GH2: variants seen among roughly 807,000 people sequenced by gnomAD.
GH2 encodes the protein growth hormone variant.
Under a neutral mutation model 24.1 loss-of-function variants are expected in GH2, and 17 were observed. That is an observed-to-expected ratio of 0.71 (90% CI 0.48 to 1.06). GH2 has a LOEUF of 1.06. GH2 is among the 50% of genes least tolerant of loss of function. The pLI is 0.00. For synonymous variants in GH2, 126 were observed against 118.7 expected (o/e 1.06, Z -0.40); for missense variants, 305 against 273.1 (o/e 1.12, Z -0.82).
chr17:63,881,459 C>T lies in GH2; in HGVS notation c.71G>A (p.Gly24Asp). 1 of 1,613,978 alleles carries T rather than the reference C, an allele frequency of 6.2e-7. No individual in the cohort carries two copies. Among genetic ancestry groups the T allele is most frequent in the Admixed American group, 1.7e-5 (1 of 60,008 alleles). ...GLLCLSWLQE[G>D]SAFPTIPLSR... ...TAAGGGAATGGTTGGGAAGGCACTG[C>T]CCTCTTGAAGCCAGGACAGGCAGAG... The change falls in exon 2 of 5, where the codon GGC (glycine) becomes GAC (aspartate). Residue 24 changes from glycine to aspartate, a missense_variant. Physicochemically the swap from Gly to Asp is moderately conservative, Grantham distance 94. Transcript: ENST00000423893.
chr17:63,881,745 C>G (rs778563212), intron 1 of GH2, 47 bp downstream of exon 1: 19 of 1,612,304 alleles, frequency 1.2e-5, no homozygotes, highest in Non-Finnish European at 4.2e-6. Flanking sequence ...GACGCCGCCT[C>G]TCCCCTCAGG....
rs150165012 is a variant in GH2 at position 63,880,364 on chromosome 17, C to T, written c.611G>A (p.Arg204His). The T allele has an allele frequency of 3.7e-6, 6 of 1,613,856 alleles. No individual in the cohort carries two copies. The highest frequency in any genetic ancestry group is 2.2e-5 in the South Asian group (2 of 91,058). ...KDMDKVETFL[R>H]IVQCRSVEGS... Reference sequence around the variant, plus strand: ...CTCCACAGAGCGGCACTGCACGATGCGCAGGAATGTCTCGACCTTGTCCAT... The same window carrying T: ...CTCCACAGAGCGGCACTGCACGATGTGCAGGAATGTCTCGACCTTGTCCAT... The change falls in exon 5 of 5, where the codon CGC (arginine) becomes CAC (histidine). Residue 204 changes from arginine (R) to histidine (H), a missense_variant. Physicochemically the swap from Arg to His is conservative, Grantham distance 29 (BLOSUM62 0). Coordinates refer to ENST00000423893, the MANE Select transcript of GH2 (RefSeq NM_002059.5).
intron 2 of GH2, 78 bp from the exon 3 acceptor site, chr17:63,881,226 G>A (rs531578697): frequency 1.1e-5 from 17 of 1,612,114 alleles, no homozygotes; most frequent in South Asian, 8.8e-5. Context: ...CTCACTCAGC[G>A]TATGCTCATC....
Position 63,881,139 on chromosome 17 carries a change from A to G in GH2, c.181T>C (p.Tyr61His). The G allele has an allele frequency of 6.2e-7, 1 of 1,614,060 alleles. No individual in the cohort carries two copies. Among genetic ancestry groups the G allele is most frequent in the African/African-American group, 1.3e-5 (1 of 75,042 alleles). ...YDTYQEFEEA[Y>H]ILKEQKYSFL... is the part of the protein sequence containing the mutation. Reference sequence around the variant, plus strand: ...GAATACTTCTGCTCCTTCAGGATATAGGCTTCTTCCTAGGAGAAGGACCGC... The same window carrying G: ...GAATACTTCTGCTCCTTCAGGATATGGGCTTCTTCCTAGGAGAAGGACCGC... Residue 61 changes from tyrosine to histidine, a missense_variant, in exon 3 of 5, where the codon TAT (tyrosine) becomes CAT (histidine). By Grantham distance (83) the Tyr-to-His change is moderately conservative. Transcript: ENST00000423893.
At chr17:63,881,598 T>TC in intron 1 of GH2, 79 bp from the exon 2 acceptor site, 9 of 1,578,574 alleles carry the variant, frequency 5.7e-6, no homozygotes, top group Non-Finnish European at 7.7e-6. Context: ...AGCTGGGTTT[T>TC]TTTTTTTCTC....
At position 63,880,365 on chromosome 17, in the gene GH2, G is replaced by C; in HGVS notation, c.610C>G (p.Arg204Gly). 6.2e-7 allele frequency: 1 copy of C among 1,613,852 alleles called. No homozygotes were observed. Among genetic ancestry groups the C allele is most frequent in the Non-Finnish European group, 8.5e-7 (1 of 1,179,822 alleles). Reference sequence around the variant, plus strand: ...TCCACAGAGCGGCACTGCACGATGCGCAGGAATGTCTCGACCTTGTCCATG... The same window carrying C: ...TCCACAGAGCGGCACTGCACGATGCCCAGGAATGTCTCGACCTTGTCCATG... ...KDMDKVETFL[R>G]IVQCRSVEGS... Residue 204 changes from arginine (R) to glycine (G), a missense_variant, in exon 5 of 5, where the codon CGC becomes GGC. Arg to Gly is a moderately radical substitution (Grantham distance 125). Transcript: ENST00000423893.
In GH2 at chr17:63,880,554, C is replaced by T. The variant is rs1464813901; in HGVS notation, c.457-36G>A. 13 of 1,613,726 alleles carry T rather than the reference C, an allele frequency of 8.1e-6. No homozygotes were observed. The highest frequency in any genetic ancestry group is 1.7e-5 in the Admixed American group (1 of 59,992). On this transcript the variant is annotated intron_variant, in intron 4 of 4. Transcript: ENST00000423893. ...AAGGAAGAGAAGGAGAGGCCAAGCG[C>T]TTGGGCACTGTTCCCTCCCTCTCTC...
rs1397123715 is a variant in GH2, at chr17:63,881,132, A to G, written c.188T>C (p.Leu63Pro). ...CAGGAATGAATACTTCTGCTCCTTCAGGATATAGGCTTCTTCCTAGGAGAA... is the reference window on the plus strand; with the variant it reads ...CAGGAATGAATACTTCTGCTCCTTCGGGATATAGGCTTCTTCCTAGGAGAA... ...TYQEFEEAYI[L>P]KEQKYSFLQN... is the part of the protein sequence containing the mutation. Residue 63 changes from leucine (L) to proline (P), a missense_variant, in exon 3 of 5, where the codon CTG becomes CCG. Coordinates refer to ENST00000423893, the MANE Select transcript of GH2 (RefSeq NM_002059.5). The G allele has an allele frequency of 2.5e-5, 41 of 1,613,952 alleles. No homozygotes were observed. Among genetic ancestry groups the G allele is most frequent in the Non-Finnish European group, 2.8e-5 (33 of 1,179,942 alleles).
chr17:63,881,177 A>G (rs1354004103), intron 2 of GH2, 29 bp from the exon 3 acceptor site: 4 of 1,614,040 alleles, frequency 2.5e-6, no homozygotes, highest in East Asian at 2.2e-5. Flanking sequence ...ACCAAGGTCT[A>G]TGCTGGAGAC....
chr17:63,881,625 C>T, intron 1 of GH2, 106 bp from the exon 2 acceptor site: 3 of 1,603,860 alleles, frequency 1.9e-6, no homozygotes, highest in Admixed American at 1.7e-5. Context: ...TCTCTGCCTC[C>T]CTCCAGGGAC....
rs776337871 is a variant in GH2 at position 63,881,339 on chromosome 17, C to T, written c.171+20G>A. On this transcript the variant is annotated intron_variant, in intron 2 of 4. Coordinates refer to ENST00000423893, the MANE Select transcript of GH2 (RefSeq NM_002059.5). ...CCCTTCCTGCCACCTCTGAAGCGCA[C>T]CCATTACCCAAGAGCTTACAAACTC... 3 of 1,613,738 alleles carry T rather than the reference C, an allele frequency of 1.9e-6. No homozygotes were observed. The highest frequency in any genetic ancestry group is 1.3e-5 in the African/African-American group (1 of 74,894).
chr17:63,880,688 A>G (rs1277998272), intron 4 of GH2, 84 bp downstream of exon 4: 2 of 1,613,910 alleles, frequency 1.2e-6, no homozygotes, highest in African/African-American at 2.7e-5. Context: ...CCTGACTGCT[A>G]AAAAGAGGGC....
rs1008833082 is a variant in GH2 at position 63,881,868 on chromosome 17, C to G, written c.-67G>C. ...GGAGTTGGGCCTTGGGATCCTTGAG[C>G]TGGTCTCTTGTGGGCCCTTTTTATA... On this transcript the variant is annotated 5_prime_UTR_variant, in exon 1 of 5. Coordinates refer to ENST00000423893, the MANE Select transcript of GH2 (RefSeq NM_002059.5). The G allele has an allele frequency of 1.9e-6, 3 of 1,613,576 alleles. No homozygotes were observed. Among genetic ancestry groups the G allele is most frequent in the Non-Finnish European group, 2.5e-6 (3 of 1,179,738 alleles).
Position 63,880,497 on chromosome 17 carries a change from G to C in GH2, c.478C>G (p.Arg160Gly). The C allele has an allele frequency of 6.2e-7, 1 of 1,613,764 alleles. No homozygotes were observed. Among genetic ancestry groups the C allele is most frequent in the Non-Finnish European group, 8.5e-7 (1 of 1,179,768 alleles). Residue 160 changes from arginine (R) to glycine (G), a missense_variant, in exon 5 of 5, where the codon CGG (arginine) becomes GGG (glycine). Transcript: ENST00000423893. Reference sequence around the variant, plus strand: ...GACTGATTGAAGATCTGCCCAGTCCGGGGGCTGCCATCTTCCAGCCTCTGC... The same window carrying C: ...GACTGATTGAAGATCTGCCCAGTCCCGGGGCTGCCATCTTCCAGCCTCTGC... ...LMWRLEDGSP[R>G]TGQIFNQSYS...
rs373626839 is a variant in GH2 at position 63,880,886 on chromosome 17, C to T, written c.342G>A (p.Glu114=). Reference sequence around the variant, plus strand: ...AGACGCTCCTGAGGAGCTGCACGGGCTCCAGCCATGACTGGATGAGCAGCA... The same window carrying T: ...AGACGCTCCTGAGGAGCTGCACGGGTTCCAGCCATGACTGGATGAGCAGCA... ...ISLLLIQSWL[E]PVQLLRSVFA... is the part of the protein sequence containing the mutation. Residue 114 remains glutamate, a synonymous_variant, in exon 4 of 5, where the codon GAG becomes GAA. Coordinates refer to ENST00000423893, the MANE Select transcript of GH2 (RefSeq NM_002059.5). 6.2e-7 allele frequency: 1 copy of T among 1,614,086 alleles called. No homozygotes were observed. The highest frequency in any genetic ancestry group is 1.3e-5 in the African/African-American group (1 of 75,036).
chr17:63,880,986 C>G (rs1405391624), intron 3 of GH2, 43 bp downstream of exon 3: 1 of 1,614,112 alleles, frequency 6.2e-7, no homozygotes, highest in Admixed American at 1.7e-5. Flanking sequence ...GCTCTGACCA[C>G]AGGTCTACCC....
In GH2 at chr17:63,881,054, T is replaced by G. The variant is rs1567779568; in HGVS notation, c.266A>C (p.Asn89Thr). 1 of 1,613,898 alleles carries G rather than the reference T, an allele frequency of 6.2e-7. No homozygotes were observed. The highest frequency in any genetic ancestry group is 8.5e-7 in the Non-Finnish European group (1 of 1,179,948). Residue 89 changes from asparagine (N) to threonine (T), a missense_variant, in exon 3 of 5, where the codon AAC becomes ACC. Physicochemically the swap from Asn to Thr is moderately conservative, Grantham distance 65. Transcript: ENST00000423893. ...CFSESIPTPS[N>T]RVKTQQKSNL... ...AGATTTCTGCTGCGTTTTCACCCTG[T>G]TGGAAGGTGTTGGAATAGACTCTGA...
chr17:63,881,918 T>A lies in GH2; in HGVS notation c.-117A>T. On this transcript the variant is annotated 5_prime_UTR_variant, in exon 1 of 5. Transcript: ENST00000423893. ...ACCTGGCCCCTTCTCTCTCGCTGCT[T>A]CTCCTCACCTGTTTCTCTGCATGTT... The A allele has an allele frequency of 6.2e-7, 1 of 1,603,724 alleles. No homozygotes were observed. Among genetic ancestry groups the A allele is most frequent in the Non-Finnish European group, 8.5e-7 (1 of 1,174,388 alleles).
intron 4 of GH2, 33 bp from the exon 5 acceptor site, chr17:63,880,551 G>A: frequency 6.2e-7 from 1 of 1,613,836 alleles, no homozygotes; most frequent in Non-Finnish European, 8.5e-7. Flanking sequence ...GAGAGGCCAA[G>A]CGCTTGGGCA....
Sources: allele counts gnomAD v4.1 joint callset, GRCh38; gene constraint gnomAD v4.1.1; transcripts MANE v1.5; gene names NCBI Gene and HGNC (gene_info 2026-07-23, HGNC 2026-07-21).